ACTR3C: variants seen among roughly 807,000 people sequenced by gnomAD.
The protein encoded by ACTR3C is actin-related protein 3C.
A neutral mutation model predicts 26.3 loss-of-function variants in ACTR3C; 18 were observed. That is an observed-to-expected ratio of 0.68 (90% CI 0.47 to 1.01). The LOEUF (loss-of-function observed/expected upper bound fraction) is 1.01, where lower values mean the gene tolerates loss of function less well. Among genes scored for constraint, ACTR3C ranks in the 50% least tolerant of loss-of-function variants. The pLI is 0.00. For missense variants in ACTR3C, 184 were observed against 250.7 expected, an observed-to-expected ratio of 0.73 and a Z score of 1.80; for synonymous variants, 55 against 94.5, an observed-to-expected ratio of 0.58 and a Z score of 2.42.
At chr7:150,141,087 A>G in the ACTR3C span, among the ~76,000 whole-genome samples, 1 of 152,256 alleles carries the variant, frequency 6.6e-6, no homozygotes, top group South Asian at 2.1e-4. Flanking sequence ...GAGAAAAATG[A>G]GGAAGCTGCA....
At chr7:150,145,889 C>CTAG in the ACTR3C span, among the ~76,000 whole-genome samples, 2 of 139,662 alleles carry the variant, frequency 1.4e-5, no homozygotes, top group Non-Finnish European at 3.0e-5. Flanking sequence ...CTGTGGTTCC[C>CTAG]TTCTAGTCTT....
the ACTR3C span, among the ~76,000 whole-genome samples, chr7:150,224,117 G>A: frequency 1.3e-5 from 2 of 152,156 alleles, no homozygotes; most frequent in Non-Finnish European, 2.9e-5. Context: ...ACCTGATCTT[G>A]GAAGTGACAG....
At chr7:150,213,609 G>A in the ACTR3C span, among the ~76,000 whole-genome samples, 1 of 152,098 alleles carries the variant, frequency 6.6e-6, no homozygotes. Flanking sequence ...GAAAAGTTTG[G>A]AAATAGGATG....
the ACTR3C span, among the ~76,000 whole-genome samples, chr7:149,896,038 A>G: frequency 1.2e-5 from 1 of 84,874 alleles, no homozygotes; most frequent in East Asian, 3.1e-4. Context: ...TCTCTACAAA[A>G]AAAAAAAAAA....
chr7:150,226,154 AC>A, the ACTR3C span, among the ~76,000 whole-genome samples: 1 of 152,138 alleles, frequency 6.6e-6, no homozygotes, highest in African/African-American at 2.4e-5. Flanking sequence ...CCTTCTGTAA[AC>A]TTTTGCATGT....
rs149073327 is a variant in ACTR3C, at chr7:150,250,622, G to T, written c.565-1568C>A. On this transcript the variant is annotated intron_variant, in intron 6 of 7. Coordinates refer to ENST00000683684, the MANE Select transcript of ACTR3C (RefSeq NM_001164458.2). ...TCAGGAATCCAGACAAGGCCATTGCGAGTGGAGGGGAGAAGCCAGTGGGTT... is the reference window on the plus strand; with the variant it reads ...TCAGGAATCCAGACAAGGCCATTGCTAGTGGAGGGGAGAAGCCAGTGGGTT... 2.9e-3 allele frequency among the ~76,000 whole-genome samples: 437 copies of T among 152,066 alleles called. 5 individuals carry two copies. The highest frequency in any genetic ancestry group is 0.01 in the African/African-American group (419 of 41,324).
At chr7:150,277,595 T>G (rs2429313) in intron 6 of ACTR3C, among the ~76,000 whole-genome samples, 1 of 152,114 alleles carries the variant, frequency 6.6e-6, no homozygotes, top group Non-Finnish European at 1.5e-5. Flanking sequence ...CCAAACTAGA[T>G]CTAGTCTTCC....
chr7:149,911,370 C>T, the ACTR3C span, among the ~76,000 whole-genome samples: 1 of 151,512 alleles, frequency 6.6e-6, no homozygotes, highest in African/African-American at 2.4e-5. Flanking sequence ...CCTTCCCACA[C>T]TGTTAGACTA....
At chr7:149,905,166 G>A in the ACTR3C span, among the ~76,000 whole-genome samples, 2 of 151,352 alleles carry the variant, frequency 1.3e-5, no homozygotes, top group Non-Finnish European at 2.9e-5. Context: ...AGTAGGAATC[G>A]AACCCACTAG....
At chr7:150,277,207 G>T (rs1311051824) in intron 6 of ACTR3C, among the ~76,000 whole-genome samples, 1 of 152,176 alleles carries the variant, frequency 6.6e-6, no homozygotes, top group South Asian at 2.1e-4. Flanking sequence ...GATAGAAATA[G>T]TGGCCAGGTG....
chr7:150,111,808 C>T, the ACTR3C span, among the ~76,000 whole-genome samples: 1 of 143,836 alleles, frequency 7.0e-6, no homozygotes, highest in African/African-American at 2.6e-5. Flanking sequence ...CATGAAATCC[C>T]CACCAGGTGA....
chr7:150,181,454 G>T, the ACTR3C span, among the ~76,000 whole-genome samples: 8 of 150,632 alleles, frequency 5.3e-5, no homozygotes, highest in Non-Finnish European at 1.0e-4. Context: ...AGGCTTGGTA[G>T]CACACACACC....
chr7:149,971,204 C>T, the ACTR3C span, among the ~76,000 whole-genome samples: 1 of 152,202 alleles, frequency 6.6e-6, no homozygotes, highest in Non-Finnish European at 1.5e-5. Context: ...TCTTCACCCT[C>T]GCCTCTAGCC....
chr7:150,102,949 G>A, the ACTR3C span, among the ~76,000 whole-genome samples: 1 of 152,092 alleles, frequency 6.6e-6, no homozygotes, highest in Admixed American at 6.5e-5. Flanking sequence ...GCTTTTTGTT[G>A]TTGGATGTTT....
At chr7:150,308,091 G>C (rs796269275) in intron 1 of ACTR3C, among the ~76,000 whole-genome samples, 1 of 152,038 alleles carries the variant, frequency 6.6e-6, no homozygotes, top group African/African-American at 2.4e-5. Flanking sequence ...TTATTCACCC[G>C]CATTCCAGAA....
At chr7:149,989,204 A>C in the ACTR3C span, among the ~76,000 whole-genome samples, 1 of 152,234 alleles carries the variant, frequency 6.6e-6, no homozygotes, top group East Asian at 1.9e-4. Context: ...CATGGGGTCC[A>C]TCATGATGTT....
the ACTR3C span, among the ~76,000 whole-genome samples, chr7:150,198,803 T>G: frequency 9.5e-5 from 10 of 105,722 alleles, no homozygotes; most frequent in Non-Finnish European, 1.2e-4. Flanking sequence ...GGGAGGGAGG[T>G]GGGGGGGTCA....
chr7:150,183,301 A>ACTATGAGAGTCCT, the ACTR3C span, among the ~76,000 whole-genome samples: 1 of 137,280 alleles, frequency 7.3e-6, no homozygotes, highest in African/African-American at 3.4e-5. Context: ...TGTAAATATG[A>ACTATGAGAGTCCT]CCATGTTGCC....
the ACTR3C span, chr7:149,891,061 A>C: frequency 3.7e-6 from 3 of 809,390 alleles, no homozygotes; most frequent in Non-Finnish European, 5.4e-6. Flanking sequence ...TTATTTTCAA[A>C]AAAGCAGCCT....
Sources: allele counts gnomAD v4.1 joint callset (sites outside exome capture counted in the v4.1 genomes callset), GRCh38; gene constraint gnomAD v4.1.1; transcripts MANE v1.5; gene names NCBI Gene and HGNC (gene_info 2026-07-23, HGNC 2026-07-21).